Variants in NLRP7 observed in about 807,000 individuals in gnomAD.
NLRP7 encodes the protein NACHT, LRR and PYD domains-containing protein 7.
A neutral mutation model predicts 85.5 loss-of-function variants in NLRP7; 72 were observed. That is an observed-to-expected ratio of 0.84 (90% CI 0.70 to 1.02). The LOEUF is 1.02. Among genes scored for constraint, NLRP7 ranks in the 50% least tolerant of loss-of-function variants. The probability of loss-of-function intolerance (pLI) is 0.00; values close to 1 mark genes in which losing one functional copy is unlikely to be tolerated. For missense variants in NLRP7, 1,243 were observed against 1,219.5 expected, an observed-to-expected ratio of 1.02 and a Z score of -0.29; for synonymous variants, 550 against 505.2, an observed-to-expected ratio of 1.09 and a Z score of -1.19.
At chr19:54,958,831 G>T (rs979607142) in intron 1 of NLRP7, among the ~76,000 whole-genome samples, 9 of 152,132 alleles carry the variant, frequency 5.9e-5, no homozygotes, top group Non-Finnish European at 1.0e-4. Flanking sequence ...CACAGTTTCT[G>T]TCCCTTTTAA....
intron 1 of NLRP7, among the ~76,000 whole-genome samples, chr19:54,944,393 T>C (rs1261116044): frequency 6.6e-6 from 1 of 152,116 alleles, no homozygotes; most frequent in Non-Finnish European, 1.5e-5. Context: ...GCACATTTCC[T>C]AACCTTGTTT....
chr19:54,962,962 G>A (rs1162224104), intron 1 of NLRP7, among the ~76,000 whole-genome samples: 2 of 152,100 alleles, frequency 1.3e-5, no homozygotes, highest in African/African-American at 2.4e-5. Flanking sequence ...CTGGGCTTCC[G>A]GAAGCTGACA....
chr19:54,943,563 C>T (rs368250713), intron 1 of NLRP7, among the ~76,000 whole-genome samples: 68 of 147,472 alleles, frequency 4.6e-4, no homozygotes, highest in South Asian at 8.8e-4. Flanking sequence ...ATCGCGCCAC[C>T]GCACTCCAGC....
At chr19:54,955,417 C>T (rs1351344447) in intron 1 of NLRP7, among the ~76,000 whole-genome samples, 1 of 152,128 alleles carries the variant, frequency 6.6e-6, no homozygotes, top group African/African-American at 2.4e-5. Flanking sequence ...GCCTGGAATC[C>T]CCGAACTTTG....
At chr19:54,936,362 G>A (rs762170653) in exon 6 of NLRP7, 24 of 1,613,890 alleles carry the variant, frequency 1.5e-5, no homozygotes, top group South Asian at 1.2e-4. Context: ...TCAGGTGCGT[G>A]AGGGTCTTCT....
chr19:54,941,334 A>G, intron 2 of NLRP7, 101 bp downstream of exon 2: 1 of 864,954 alleles, frequency 1.2e-6, no homozygotes, highest in South Asian at 1.4e-5. Flanking sequence ...TCGCCACTGC[A>G]CTCCAGCCTT....
upstream of NLRP7, among the ~76,000 whole-genome samples, chr19:54,949,405 C>T (rs997507546): frequency 6.6e-6 from 1 of 151,936 alleles, no homozygotes; most frequent in Non-Finnish European, 1.5e-5. Context: ...GCGAGACTCC[C>T]TCTCTGAAGA....
intron 1 of NLRP7, among the ~76,000 whole-genome samples, chr19:54,957,449 G>T (rs1265499525): frequency 6.8e-6 from 1 of 147,852 alleles, no homozygotes; most frequent in African/African-American, 2.5e-5. Flanking sequence ...GGGTTCAAGT[G>T]ATTCTCCTGC....
At chr19:54,962,850 C>T (rs775848) in intron 1 of NLRP7, among the ~76,000 whole-genome samples, 66,067 of 149,986 alleles carry the variant, frequency 0.44, 15,782 homozygotes, top group African/African-American at 0.64. Context: ...CCGCCCGCCT[C>T]GGCCTCCCAA....
At chr19:54,936,061 C>CA (rs1189057481) in intron 6 of NLRP7, among the ~76,000 whole-genome samples, 200 bp downstream of exon 6, 7 of 152,110 alleles carry the variant, frequency 4.6e-5, no homozygotes, top group African/African-American at 1.7e-4. Flanking sequence ...TGTTTCTTTG[C>CA]ATGGATAGCT....
intron 1 of NLRP7, among the ~76,000 whole-genome samples, chr19:54,959,163 G>T (rs2069952922): frequency 7.4e-6 from 1 of 134,974 alleles, no homozygotes; most frequent in African/African-American, 2.8e-5. Context: ...TTTTGAGACA[G>T]AGTCTTGCTC....
At chr19:54,954,528 CAAAA>C (rs35846819) in intron 1 of NLRP7, among the ~76,000 whole-genome samples, 5 of 47,530 alleles carry the variant, frequency 1.1e-4, no homozygotes, top group East Asian at 6.1e-4. Flanking sequence ...GACTCCGTCT[CAAAA>C]AAAAAAAAAA....
At chr19:54,940,555 G>A (rs1342494795) in intron 3 of NLRP7, 89 bp from the exon 4 acceptor site, 15 of 1,445,140 alleles carry the variant, frequency 1.0e-5, no homozygotes, top group South Asian at 4.5e-5. Context: ...GGCCAGGCAC[G>A]GTGTCTCATG....
intron 4 of NLRP7, among the ~76,000 whole-genome samples, 166 bp downstream of exon 4, chr19:54,938,722 T>G (rs556003806): frequency 1.1e-3 from 166 of 152,262 alleles, no homozygotes; most frequent in African/African-American, 4.0e-3. Context: ...CGAGACTCCG[T>G]CTCAAAAATA....
chr19:54,940,517 AATT>A (rs1288610095), intron 3 of NLRP7, 51 bp from the exon 4 acceptor site: 2 of 1,603,084 alleles, frequency 1.2e-6, no homozygotes, highest in African/African-American at 2.7e-5. Flanking sequence ...TGATTTTCTG[AATT>A]ATTTTGTCAA....
chr19:54,938,281 T>C (rs1356459309), intron 4 of NLRP7, 40 bp from the exon 5 acceptor site: 3 of 1,554,324 alleles, frequency 1.9e-6, no homozygotes, highest in Non-Finnish European at 2.7e-6. Flanking sequence ...GACTAGTACC[T>C]GCATGGTGAG....
intron 9 of NLRP7, among the ~76,000 whole-genome samples, chr19:54,930,059 A>G (rs269947): frequency 0.55 from 79,496 of 144,578 alleles, 22,348 homozygotes; most frequent in East Asian, 0.71. Context: ...AGGTTGCAGT[A>G]AGCCGAGATC....
intron 6 of NLRP7, among the ~76,000 whole-genome samples, chr19:54,935,541 C>A (rs1052389175): frequency 1.3e-5 from 2 of 152,002 alleles, no homozygotes; most frequent in African/African-American, 4.8e-5. Flanking sequence ...ATTAAAAATA[C>A]AAACATTTGC....
intron 6 of NLRP7, among the ~76,000 whole-genome samples, chr19:54,935,423 C>T (rs2068869456): frequency 6.6e-6 from 1 of 152,034 alleles, no homozygotes; most frequent in South Asian, 2.1e-4. Flanking sequence ...TGGCCAGGCG[C>T]AGTGGTTCAT....
Sources: gnomAD v4.1 joint callset for allele counts (sites outside exome capture counted in the v4.1 genomes callset) on GRCh38, gnomAD v4.1.1 for gene constraint, MANE v1.5 for transcripts, NCBI Gene and HGNC (gene_info 2026-07-23, HGNC 2026-07-21) for gene names.